Variants in MAPKAPK5 observed in about 807,000 individuals in gnomAD.
MAPKAPK5 encodes MAPK activated protein kinase 5, also known as MAP kinase-activated protein kinase 5.
MAPKAPK5 carries 30 observed loss-of-function variants against 65.1 expected under a neutral mutation model. The ratio of observed to expected loss-of-function variants is 0.46; its 90% confidence interval spans 0.34 to 0.63. The LOEUF (loss-of-function observed/expected upper bound fraction) is 0.63. Among genes scored for constraint, MAPKAPK5 ranks in the 20% least tolerant of loss-of-function variants. The pLI is 0.01. For missense variants in MAPKAPK5, 433 were observed against 581.4 expected (o/e 0.74, Z 2.63); for synonymous variants, 179 against 204.6 (o/e 0.87, Z 1.07).
chr12:111,848,387 A>G (rs1648341648), intron 1 of MAPKAPK5, among the ~76,000 whole-genome samples: 1 of 150,190 alleles, frequency 6.7e-6, no homozygotes, highest in African/African-American at 2.4e-5. Context: ...TTTCTGGTGA[A>G]GGGTCTGTTC....
intron 7 of MAPKAPK5, among the ~76,000 whole-genome samples, chr12:111,874,899 C>T (rs1030708927): frequency 4.0e-5 from 6 of 148,958 alleles, no homozygotes; most frequent in East Asian, 2.0e-4. Flanking sequence ...CTCAGCCTCC[C>T]GAGTAGCTGG....
intron 1 of MAPKAPK5, among the ~76,000 whole-genome samples, chr12:111,863,388 GA>G (rs1404947440): frequency 1.3e-5 from 2 of 152,174 alleles, no homozygotes; most frequent in Non-Finnish European, 2.9e-5. Context: ...ATTGGACACA[GA>G]AAGGGGTGGA....
chr12:111,888,719 G>C (rs1297833787), intron 11 of MAPKAPK5, 101 bp downstream of exon 11: 10 of 1,547,788 alleles, frequency 6.5e-6, no homozygotes, highest in South Asian at 1.2e-5. Context: ...GGGGTCTTTA[G>C]CCTCTGAAGA....
In MAPKAPK5 at chr12:111,881,402, C is replaced by CTTTTTTTTTTTTT. The variant is rs1274226182; in HGVS notation, c.660+875_660+876insTTTTTTTTTTTTT. On this transcript the variant is annotated intron_variant, in intron 8 of 13. Transcript: ENST00000550735. ...AGCCCACATATTGATCCTGTCTGTT[C>CTTTTTTTTTTTTT]CTTTTTTTTTTTTTTTTTTTGAGAC... 3.7e-3 allele frequency among the ~76,000 whole-genome samples: 437 copies of CTTTTTTTTTTTTT among 116,624 alleles called. 37 individuals carry two copies. Among genetic ancestry groups the CTTTTTTTTTTTTT allele is most frequent in the Middle Eastern group, 5.8e-3 (1 of 172 alleles). 76.5% of individuals were successfully genotyped at this position (116,624 alleles called of 152,430 possible).
At chr12:111,874,141 T>C (rs2069875230) in intron 7 of MAPKAPK5, among the ~76,000 whole-genome samples, 1 of 152,204 alleles carries the variant, frequency 6.6e-6, no homozygotes, top group African/African-American at 2.4e-5. Context: ...ACGCCTGTTA[T>C]ACCAGCACTT....
chr12:111,870,597 A>G lies in MAPKAPK5; in HGVS notation c.483+237A>G, dbSNP rs552690246. Among the ~76,000 whole-genome samples the G allele has an allele frequency of 2.6e-5, 4 of 152,206 alleles. No homozygotes were observed. The East Asian group carries it at 7.7e-4, about 29-fold the overall frequency. On this transcript the variant is annotated intron_variant, in intron 6 of 13. Transcript: ENST00000550735. ...TATTTGTGGGACTTAATGATTTTGG[A>G]TATTATTTGGAGGACCTTTGGGAAG...
intron 10 of MAPKAPK5, among the ~76,000 whole-genome samples, chr12:111,886,899 A>G (rs1289535954): frequency 1.3e-5 from 2 of 152,228 alleles, no homozygotes; most frequent in African/African-American, 4.8e-5. Context: ...AGAGAAGTAG[A>G]GGTGAATGAA....
At chr12:111,870,467 A>G in intron 6 of MAPKAPK5, 107 bp downstream of exon 6, 1 of 804,698 alleles carries the variant, frequency 1.2e-6, no homozygotes, top group Non-Finnish European at 2.0e-6. Context: ...TTTAAGCCAA[A>G]GTGCTTCAAA....
chr12:111,855,539 G>A (rs1190606858), intron 1 of MAPKAPK5, among the ~76,000 whole-genome samples: 1 of 152,066 alleles, frequency 6.6e-6, no homozygotes, highest in Non-Finnish European at 1.5e-5. Flanking sequence ...TTATAAGTGT[G>A]TTGTTTAGGC....
chr12:111,880,321 G>T, intron 7 of MAPKAPK5, 126 bp from the exon 8 acceptor site: 2 of 750,034 alleles, frequency 2.7e-6, no homozygotes, highest in South Asian at 1.5e-5. Flanking sequence ...TGTTTATGTG[G>T]AGTTTTTTTT....
At chr12:111,862,404 G>C (rs1188515836) in intron 1 of MAPKAPK5, among the ~76,000 whole-genome samples, 1 of 152,124 alleles carries the variant, frequency 6.6e-6, no homozygotes, top group Non-Finnish European at 1.5e-5. Flanking sequence ...TACTAACTTA[G>C]TAAGTACAGT....
intron 1 of MAPKAPK5, among the ~76,000 whole-genome samples, chr12:111,858,540 CTT>C (rs60767498): frequency 1.1e-4 from 14 of 126,720 alleles, no homozygotes; most frequent in Non-Finnish European, 1.6e-4. Context: ...TTGAGCACCT[CTT>C]TTTTTTTTTT....
At chr12:111,888,091 C>T (rs1164174750) in intron 10 of MAPKAPK5, 4 of 199,822 alleles carry the variant, frequency 2.0e-5, no homozygotes, top group Non-Finnish European at 4.1e-5. Flanking sequence ...GGTCAGGGCT[C>T]TGAGCTGTCA....
intron 1 of MAPKAPK5, among the ~76,000 whole-genome samples, chr12:111,852,358 T>C (rs938070053): frequency 2.6e-5 from 4 of 152,206 alleles, no homozygotes; most frequent in Non-Finnish European, 4.4e-5. Context: ...CTTTTCTTTC[T>C]TTCCCTCAGT....
Position 111,880,543 on chromosome 12 carries a change from T to G in MAPKAPK5, c.660+16T>G. 6.2e-7 allele frequency: 1 copy of G among 1,610,004 alleles called. No homozygotes were observed. The highest frequency in any genetic ancestry group is 8.5e-7 in the Non-Finnish European group (1 of 1,176,540). On this transcript the variant is annotated intron_variant, in intron 8 of 13. Coordinates refer to ENST00000550735, the MANE Select transcript of MAPKAPK5 (RefSeq NM_003668.4). ...TTACAACAAGGTACAGGAAGAGATA[T>G]TTCTCTTCATTTGACAGATGCAGCC...
intron 5 of MAPKAPK5, among the ~76,000 whole-genome samples, chr12:111,869,679 A>T (rs1250296451): frequency 6.6e-6 from 1 of 152,206 alleles, no homozygotes; most frequent in Admixed American, 6.6e-5. Context: ...TTTGATTTTT[A>T]AAATTATACC....
At chr12:111,845,723 A>C (rs2068886873) in intron 1 of MAPKAPK5, among the ~76,000 whole-genome samples, 1 of 151,990 alleles carries the variant, frequency 6.6e-6, no homozygotes, top group Non-Finnish European at 1.5e-5. Flanking sequence ...GGAGTTGGAG[A>C]CCACTCTGGC....
chr12:111,893,079 GTTTT>G lies in MAPKAPK5; in HGVS notation c.*22_*25del. 1 of 1,514,128 alleles carries G rather than the reference GTTTT, an allele frequency of 6.6e-7. No individual in the cohort carries two copies. Among genetic ancestry groups the G allele is most frequent in the Non-Finnish European group, 8.9e-7 (1 of 1,128,108 alleles). The allele number at this position is 1,514,128 out of a possible 1,614,324, so 93.8% of individuals were successfully genotyped here. A position where few individuals can be genotyped will look rare whatever the true frequency, so the allele number is the denominator to read the frequency against. ...CCCAATAATGACAGCTTCAGACTTT[GTTTT>G]TTTAACAATTTGAAAAATTATTCTT... On this transcript the variant is annotated 3_prime_UTR_variant, in exon 14 of 14. Coordinates refer to ENST00000550735, the MANE Select transcript of MAPKAPK5 (RefSeq NM_003668.4).
chr12:111,866,230 A>G lies in MAPKAPK5; in HGVS notation c.185A>G (p.Glu62Gly). ...CTTGATCGTCCAAAAGCTAGAAATG[A>G]GGTATGCTTTATTGCCTCGACTTAA... ...ILLDRPKARNEVRLHMMCATH... is the reference protein window; with the variant it reads ...ILLDRPKARNGVRLHMMCATH... Residue 62 changes from glutamate to glycine, a missense_variant and splice_region_variant, in exon 3 of 14, where the codon GAG (glutamate) becomes GGG (glycine). Physicochemically the swap from Glu to Gly is moderately conservative, Grantham distance 98. Around this residue, in one of 3 missense-constraint regions of MAPKAPK5, gnomAD observed 165 missense variants for 180.0 expected, o/e 0.92. Coordinates refer to ENST00000550735, the MANE Select transcript of MAPKAPK5 (RefSeq NM_003668.4). The G allele has an allele frequency of 6.2e-7, 1 of 1,610,098 alleles. No homozygotes were observed. The highest frequency in any genetic ancestry group is 8.5e-7 in the Non-Finnish European group (1 of 1,178,114).
Sources: gnomAD v4.1 joint callset for allele counts (sites outside exome capture counted in the v4.1 genomes callset) on GRCh38, gnomAD v4.1.1 for gene constraint, gnomAD v4.1.1 regional missense constraint, MANE v1.5 for transcripts, NCBI Gene and HGNC (gene_info 2026-07-23, HGNC 2026-07-21) for gene names.